Variants in AGBL4 observed in about 807,000 individuals in gnomAD.
AGBL4 encodes cytosolic carboxypeptidase 6.
AGBL4 carries 58 observed loss-of-function variants against 66.4 expected under a neutral mutation model. The observed-to-expected ratio is 0.87, with a 90% CI of 0.71 to 1.09. The LOEUF (loss-of-function observed/expected upper bound fraction) is 1.09, where lower values mean the gene tolerates loss of function less well. AGBL4 is among the 50% of genes least tolerant of loss of function. The pLI, the probability that AGBL4 is intolerant of heterozygous loss-of-function variation, is 0.00. For missense variants in AGBL4, 579 were observed against 631.0 expected (o/e 0.92, Z 0.88); for synonymous variants, 234 against 222.9 (o/e 1.05, Z -0.44).
At chr1:49,840,584 C>T (rs1171577872) in intron 2 of AGBL4, among the ~76,000 whole-genome samples, 1 of 152,020 alleles carries the variant, frequency 6.6e-6, no homozygotes, top group Non-Finnish European at 1.5e-5. Context: ...AACTTCAGGT[C>T]AATATCGCCA....
intron 3 of AGBL4, among the ~76,000 whole-genome samples, chr1:49,589,549 G>C (rs891319566): frequency 1.3e-5 from 2 of 151,758 alleles, no homozygotes; most frequent in African/African-American, 4.8e-5. Flanking sequence ...AAGCATGAAA[G>C]TTATATGCAA....
At chr1:49,948,345 AATATATAT>A (rs1297739449) in intron 1 of AGBL4, among the ~76,000 whole-genome samples, 1 of 114,382 alleles carries the variant, frequency 8.7e-6, no homozygotes, top group East Asian at 2.3e-4. Flanking sequence ...TAAATATATA[AATATATAT>A]AAATATATAA....
At chr1:48,966,485 A>G (rs1658430019) in intron 5 of AGBL4, among the ~76,000 whole-genome samples, 1 of 152,164 alleles carries the variant, frequency 6.6e-6, no homozygotes, top group South Asian at 2.1e-4. Flanking sequence ...TTAAGATCAG[A>G]ATCCATACAA....
At chr1:49,250,889 T>C (rs1465377451) in intron 3 of AGBL4, among the ~76,000 whole-genome samples, 2 of 152,102 alleles carry the variant, frequency 1.3e-5, no homozygotes, top group African/African-American at 4.8e-5. Flanking sequence ...GTGGTAGAAG[T>C]AGCAAGCCAG....
intron 3 of AGBL4, among the ~76,000 whole-genome samples, chr1:49,313,406 G>A (rs1335558389): frequency 6.6e-6 from 1 of 151,956 alleles, no homozygotes; most frequent in Non-Finnish European, 1.5e-5. Flanking sequence ...GGGATTGCTG[G>A]GTCAAATGGT....
intron 6 of AGBL4, among the ~76,000 whole-genome samples, chr1:48,762,656 G>GTA (rs60322867): frequency 0.085 from 11,703 of 138,386 alleles, 478 homozygotes; most frequent in Admixed American, 0.14. Context: ...GTGTGTGTGT[G>GTA]TGTATGTATT....
intron 11 of AGBL4, among the ~76,000 whole-genome samples, chr1:48,581,612 T>C (rs1644741513): frequency 1.3e-5 from 2 of 152,220 alleles, no homozygotes. Flanking sequence ...CAGTAAAATG[T>C]AAATAGGGTT....
Position 49,881,252 on chromosome 1 carries a change from T to C in AGBL4, c.35-29734A>G, listed in dbSNP as rs571578128. On this transcript the variant is annotated intron_variant, in intron 1 of 13. Coordinates refer to ENST00000371839, the MANE Select transcript of AGBL4 (RefSeq NM_032785.4). ...TTTATGGCTGCATAGTATTCCATGGTGTATATGTGCCACATTTTCTTAATC... is the reference window on the plus strand; with the variant it reads ...TTTATGGCTGCATAGTATTCCATGGCGTATATGTGCCACATTTTCTTAATC... Among the ~76,000 whole-genome samples, 209 of 152,222 alleles carry C rather than the reference T, an allele frequency of 1.4e-3. 1 individual carries two copies. The highest frequency in any genetic ancestry group is 4.7e-3 in the African/African-American group (196 of 41,514).
chr1:49,930,680 C>G (rs1653246927), intron 1 of AGBL4, among the ~76,000 whole-genome samples: 1 of 151,972 alleles, frequency 6.6e-6, no homozygotes, highest in Non-Finnish European at 1.5e-5. Context: ...GTAACGATCT[C>G]AATATATCCA....
At chr1:49,815,255 T>C (rs1291682166) in intron 2 of AGBL4, among the ~76,000 whole-genome samples, 3 of 152,186 alleles carry the variant, frequency 2.0e-5, no homozygotes, top group East Asian at 1.9e-4. Flanking sequence ...ATCCCACAAA[T>C]AACCGAGTAC....
intron 3 of AGBL4, among the ~76,000 whole-genome samples, chr1:49,523,371 T>C (rs1264788414): frequency 6.6e-6 from 1 of 152,146 alleles, no homozygotes; most frequent in Non-Finnish European, 1.5e-5. Flanking sequence ...AAGTTCTTTG[T>C]GTCTCAGATC....
intron 1 of AGBL4, among the ~76,000 whole-genome samples, chr1:50,019,306 T>TCTCTCTCTCTCACACACA (rs1167835143): frequency 3.9e-4 from 19 of 48,430 alleles, no homozygotes; most frequent in Admixed American, 1.4e-3. Context: ...TCTCTCTCTC[T>TCTCTCTCTCTCACACACA]CACACACACA....
At chr1:50,007,691 C>T (rs556115041) in intron 1 of AGBL4, among the ~76,000 whole-genome samples, 1 of 152,218 alleles carries the variant, frequency 6.6e-6, no homozygotes, top group African/African-American at 2.4e-5. Context: ...TGCTTGAACC[C>T]AGGATGTCAA....
intron 2 of AGBL4, among the ~76,000 whole-genome samples, chr1:49,743,789 G>T (rs1006425638): frequency 2.7e-5 from 4 of 150,780 alleles, no homozygotes; most frequent in Non-Finnish European, 5.9e-5. Context: ...CATTCTCAGC[G>T]AACTATCGCA....
intron 2 of AGBL4, among the ~76,000 whole-genome samples, chr1:49,736,178 C>A (rs1254460247): frequency 6.6e-6 from 1 of 151,740 alleles, no homozygotes; most frequent in East Asian, 1.9e-4. Context: ...GTATACACAT[C>A]AAAGAAATTC....
intron 3 of AGBL4, among the ~76,000 whole-genome samples, chr1:49,288,772 G>A (rs1644477239): frequency 6.6e-6 from 1 of 152,112 alleles, no homozygotes; most frequent in Non-Finnish European, 1.5e-5. Context: ...TGAGATGAAG[G>A]GCTATGCCCT....
At chr1:49,003,992 A>G (rs1010314304) in intron 5 of AGBL4, among the ~76,000 whole-genome samples, 12 of 151,848 alleles carry the variant, frequency 7.9e-5, no homozygotes, top group Non-Finnish European at 1.6e-4. Flanking sequence ...CAAATTCCAG[A>G]CTCTCCGAAT....
chr1:49,710,326 A>G (rs1263402632), intron 2 of AGBL4, among the ~76,000 whole-genome samples: 1 of 152,202 alleles, frequency 6.6e-6, no homozygotes, highest in Non-Finnish European at 1.5e-5. Flanking sequence ...ATTCTCAGCA[A>G]ACTAACACAG....
chr1:48,970,255 C>T (rs1320872798), intron 5 of AGBL4, among the ~76,000 whole-genome samples: 2 of 152,190 alleles, frequency 1.3e-5, no homozygotes, highest in East Asian at 1.9e-4. Context: ...GCAGCCCTGC[C>T]GAGTTGATTC....
Sources: gnomAD v4.1 joint callset for allele counts (sites outside exome capture counted in the v4.1 genomes callset) on GRCh38, gnomAD v4.1.1 for gene constraint, MANE v1.5 for transcripts, NCBI Gene and HGNC (gene_info 2026-07-23, HGNC 2026-07-21) for gene names.